Variants in BMPER observed in about 807,000 individuals in gnomAD.
BMPER encodes BMP-binding endothelial regulator protein.
In BMPER, 45 loss-of-function variants were observed where a neutral mutation model predicts 87.3. The ratio of observed to expected loss-of-function variants is 0.52; its 90% CI spans 0.41 to 0.66. BMPER has a LOEUF of 0.66. Among genes scored for constraint, BMPER ranks in the 30% least tolerant of loss-of-function variants. The pLI, the probability that BMPER is intolerant of heterozygous loss-of-function variation, is 0.00. For synonymous variants in BMPER, 326 were observed against 316.2 expected (o/e 1.03, Z -0.33); for missense variants, 784 against 867.5 (o/e 0.90, Z 1.21).
intron 3 of BMPER, among the ~76,000 whole-genome samples, chr7:33,957,642 A>C (rs190570951): frequency 8.1e-4 from 124 of 152,316 alleles, no homozygotes; most frequent in African/African-American, 2.9e-3. Context: ...TGTAGATTGC[A>C]CAATTGTCAA....
At chr7:33,933,473 A>T (rs1030638288) in intron 2 of BMPER, among the ~76,000 whole-genome samples, 5 of 144,480 alleles carry the variant, frequency 3.5e-5, no homozygotes, top group African/African-American at 1.3e-4. Context: ...GAGTATTCTG[A>T]CCTTTTCCTT....
intron 6 of BMPER, among the ~76,000 whole-genome samples, chr7:34,030,288 C>G (rs1223999931): frequency 6.6e-6 from 1 of 152,022 alleles, no homozygotes; most frequent in Non-Finnish European, 1.5e-5. Flanking sequence ...TAGGAAAGAC[C>G]TATAGTAGTA....
chr7:33,921,529 C>A (rs183658899), intron 2 of BMPER, among the ~76,000 whole-genome samples: 1 of 152,158 alleles, frequency 6.6e-6, no homozygotes, highest in African/African-American at 2.4e-5. Context: ...GAGAATACCC[C>A]CCGGGGTCAG....
At chr7:33,926,768 G>A (rs1052442811) in intron 2 of BMPER, among the ~76,000 whole-genome samples, 4 of 152,236 alleles carry the variant, frequency 2.6e-5, no homozygotes, top group Admixed American at 6.5e-5. Flanking sequence ...TACAGGGGAC[G>A]CTGTCCAAGG....
intron 14 of BMPER, among the ~76,000 whole-genome samples, chr7:34,149,603 A>C (rs1791119163): frequency 6.6e-6 from 1 of 152,104 alleles, no homozygotes; most frequent in South Asian, 2.1e-4. Flanking sequence ...GGTGATGTGA[A>C]CATTTAGTGC....
rs796481113 is a variant in BMPER, at chr7:34,154,300, T to C, written c.*1027T>C. On this transcript the variant is annotated 3_prime_UTR_variant, in exon 15 of 15. Coordinates refer to ENST00000649409, the MANE Select transcript of BMPER (RefSeq NM_001365308.1). ...CAGTGGAAAAGCCTTTATTGACTAA[T>C]TGATTTAACCTCAGTCCAAAGAACA... 8 of 152,380 alleles carry C rather than the reference T, an allele frequency of 5.3e-5. No individual in the cohort carries two copies. Among genetic ancestry groups the C allele is most frequent in the African/African-American group, 1.9e-4 (8 of 41,592 alleles). The allele number at this position is 152,380 out of a possible 1,614,324, so 9.4% of individuals were successfully genotyped here.
intron 3 of BMPER, among the ~76,000 whole-genome samples, chr7:33,941,079 AT>A (rs1026858713): frequency 8.9e-5 from 12 of 135,492 alleles, no homozygotes; most frequent in African/African-American, 1.9e-4. Context: ...TAATTTATAT[AT>A]TTATATATAA....
chr7:33,970,021 T>G (rs962547134), intron 4 of BMPER, among the ~76,000 whole-genome samples: 2 of 152,176 alleles, frequency 1.3e-5, no homozygotes, highest in Admixed American at 1.3e-4. Flanking sequence ...AGCAGCTAGA[T>G]TCTGTTGGGT....
chr7:34,077,242 G>A (rs952894510), intron 11 of BMPER, among the ~76,000 whole-genome samples: 1 of 152,262 alleles, frequency 6.6e-6, no homozygotes, highest in South Asian at 2.1e-4. Flanking sequence ...AGAAAGGACT[G>A]ATAAATGCAC....
chr7:34,153,005 C>A, intron 14 of BMPER, 87 bp from the exon 15 acceptor site: 1 of 1,476,610 alleles, frequency 6.8e-7, no homozygotes, highest in Non-Finnish European at 9.5e-7. Context: ...CATGAAGTGT[C>A]ATGAGCCTGC....
intron 6 of BMPER, among the ~76,000 whole-genome samples, chr7:34,032,331 C>T (rs1787550474): frequency 6.6e-6 from 1 of 151,924 alleles, no homozygotes; most frequent in African/African-American, 2.4e-5. Context: ...GAGTTTAAGC[C>T]ATAGATCTTC....
upstream of BMPER, chr7:33,905,480 G>C: frequency 5.6e-6 from 5 of 889,026 alleles, no homozygotes; most frequent in South Asian, 3.6e-5. Context: ...CCAGCTCTCG[G>C]GCGCCCGCCT....
rs191837345 is a variant in BMPER, at chr7:33,939,105, C to T, written c.319+1717C>T. Among the ~76,000 whole-genome samples, 180 of 152,304 alleles carry T rather than the reference C, an allele frequency of 1.2e-3. 1 individual carries two copies. The highest frequency in any genetic ancestry group is 1.2e-3 in the Non-Finnish European group (83 of 68,022). ...AACTTGGAAAGATGCATTTACCGTA[C>T]TGCATGTCAACGTCTCTCAGGTAAT... On this transcript the variant is annotated intron_variant, in intron 3 of 14. Coordinates refer to ENST00000649409, the MANE Select transcript of BMPER (RefSeq NM_001365308.1).
At chr7:33,974,150 G>C (rs1024421955) in intron 5 of BMPER, among the ~76,000 whole-genome samples, 1 of 152,154 alleles carries the variant, frequency 6.6e-6, no homozygotes, top group Non-Finnish European at 1.5e-5. Flanking sequence ...GCTGGGGTGA[G>C]TTACTTTCCC....
chr7:34,041,481 T>C (rs1289348947), intron 6 of BMPER, among the ~76,000 whole-genome samples: 1 of 152,176 alleles, frequency 6.6e-6, no homozygotes, highest in Non-Finnish European at 1.5e-5. Context: ...AAACCAAATC[T>C]GAAAATCTTT....
intron 6 of BMPER, among the ~76,000 whole-genome samples, chr7:34,032,785 A>G (rs1315398876): frequency 6.6e-6 from 1 of 152,152 alleles, no homozygotes; most frequent in East Asian, 1.9e-4. Flanking sequence ...ACTTTGCTCT[A>G]GTGGTTTCCC....
chr7:33,940,745 A>T (rs186675759), intron 3 of BMPER, among the ~76,000 whole-genome samples: 21 of 151,462 alleles, frequency 1.4e-4, no homozygotes, highest in African/African-American at 5.1e-4. Context: ...AATCATAGTA[A>T]TGCAGAAGTT....
chr7:34,101,113 C>G (rs2127982668), intron 13 of BMPER, among the ~76,000 whole-genome samples: 1 of 152,318 alleles, frequency 6.6e-6, no homozygotes, highest in African/African-American at 2.4e-5. Flanking sequence ...CATTTCTAGT[C>G]TGGCCTAGTC....
intron 2 of BMPER, chr7:33,922,161 T>G (rs552935185): frequency 4.9e-6 from 1 of 204,728 alleles, no homozygotes; most frequent in Non-Finnish European, 1.0e-5. Context: ...GTCATGTTGC[T>G]GGACAGTTTC....
Sources: gnomAD v4.1 joint callset for allele counts (sites outside exome capture counted in the v4.1 genomes callset) on GRCh38, gnomAD v4.1.1 for gene constraint, MANE v1.5 for transcripts, NCBI Gene and HGNC (gene_info 2026-07-23, HGNC 2026-07-21) for gene names.